The following RHOBTB3 variants were observed in gnomAD, a reference collection of about 807,000 sequenced individuals.
RHOBTB3 encodes the protein rho-related BTB domain-containing protein 3.
RHOBTB3 carries 47 observed loss-of-function variants against 67.2 expected under a neutral mutation model. The ratio of observed to expected loss-of-function variants is 0.70; its 90% CI spans 0.55 to 0.89. The LOEUF is 0.89. Among genes scored for constraint, RHOBTB3 ranks in the 40% least tolerant of loss-of-function variants. RHOBTB3 has a pLI of 0.00. For missense variants in RHOBTB3, 631 were observed against 750.0 expected (o/e 0.84, Z 1.85); for synonymous variants, 273 against 274.2 (o/e 1.00, Z 0.04).
chr5:95,756,912 A>G (rs1205447654), intron 6 of RHOBTB3, among the ~76,000 whole-genome samples: 1 of 152,226 alleles, frequency 6.6e-6, no homozygotes, highest in Admixed American at 6.5e-5. Context: ...TTTAGTTTTA[A>G]AGACATAAAA....
At chr5:95,731,784 G>T (rs1755270191) in intron 1 of RHOBTB3, 75 bp from the exon 2 acceptor site, 22 of 1,602,742 alleles carry the variant, frequency 1.4e-5, no homozygotes, top group Non-Finnish European at 1.5e-5. Context: ...GCTGTCCCCC[G>T]CACTTCCTGT....
intron 6 of RHOBTB3, among the ~76,000 whole-genome samples, chr5:95,762,736 T>TG (rs1745429141): frequency 6.6e-6 from 1 of 152,138 alleles, no homozygotes; most frequent in African/African-American, 2.4e-5. Flanking sequence ...ATGGATTTGA[T>TG]GGGGAAAAGG....
chr5:95,728,471 T>C (rs977506001), upstream of RHOBTB3, among the ~76,000 whole-genome samples: 3 of 152,248 alleles, frequency 2.0e-5, no homozygotes, highest in African/African-American at 4.8e-5. Context: ...ACTTTCTTTA[T>C]GAACTTCTGA....
In RHOBTB3 at chr5:95,748,323, G is replaced by T; in HGVS notation, c.416-10G>T. ...TTCGAAACTCTTTGTTTTAAAATTT[G>T]TTTTCTCAGAAGAGTTACCTTGTAC... is the stretch of plus-strand genomic sequence containing the variant. On this transcript the variant is annotated splice_polypyrimidine_tract_variant and intron_variant, in intron 3 of 11. Transcript: ENST00000379982. The T allele has an allele frequency of 6.4e-7, 1 of 1,569,526 alleles. No individual in the cohort carries two copies. The highest frequency in any genetic ancestry group is 8.6e-7 in the Non-Finnish European group (1 of 1,157,900).
intron 8 of RHOBTB3, among the ~76,000 whole-genome samples, chr5:95,777,664 C>A (rs1745928917): frequency 6.6e-6 from 1 of 152,188 alleles, no homozygotes; most frequent in African/African-American, 2.4e-5. Flanking sequence ...AAAGATCTAA[C>A]CATACTAAGG....
intron 9 of RHOBTB3, among the ~76,000 whole-genome samples, chr5:95,783,096 A>T (rs1746108301): frequency 6.7e-6 from 1 of 149,120 alleles, no homozygotes; most frequent in African/African-American, 2.4e-5. Flanking sequence ...TTTTTATTTT[A>T]TTTATTTATT....
At chr5:95,753,232 GATGT>G (rs1745143488) in intron 5 of RHOBTB3, among the ~76,000 whole-genome samples, 1 of 97,540 alleles carries the variant, frequency 1.0e-5, no homozygotes, top group South Asian at 3.5e-4. Context: ...TTGATGTGTG[GATGT>G]GTGTGTGTGT....
chr5:95,770,309 ACAT>A (rs1745671009), intron 8 of RHOBTB3: 1 of 282,174 alleles, frequency 3.5e-6, no homozygotes, highest in South Asian at 5.0e-5. Flanking sequence ...ACTGAAGAAG[ACAT>A]CATTCTGGGA....
chr5:95,734,862 A>G (rs1219660263), intron 2 of RHOBTB3, among the ~76,000 whole-genome samples: 1 of 152,108 alleles, frequency 6.6e-6, no homozygotes, highest in Non-Finnish European at 1.5e-5. Flanking sequence ...CCATTTTTTC[A>G]TAACATTTTC....
chr5:95,785,450 T>C (rs1746195914), intron 10 of RHOBTB3, among the ~76,000 whole-genome samples: 1 of 151,816 alleles, frequency 6.6e-6, no homozygotes, highest in Admixed American at 6.6e-5. Flanking sequence ...AAAAATTAGC[T>C]GGGTATAGTG....
upstream of RHOBTB3, chr5:95,731,251 T>G (rs1755229370): frequency 9.9e-7 from 1 of 1,005,898 alleles, no homozygotes; most frequent in East Asian, 1.1e-4. Flanking sequence ...TGGCACGTGC[T>G]GCGCCCGGTC....
chr5:95,731,415 G>A lies in RHOBTB3; in HGVS notation c.-268G>A, dbSNP rs1755239386. ...CAGCTGCGTCCACTTGGGGCTGTGC[G>A]GCGGTCCCGCGCCCGGCGATGTTCC... On this transcript the variant is annotated 5_prime_UTR_variant, in exon 1 of 12. Coordinates refer to ENST00000379982, the MANE Select transcript of RHOBTB3 (RefSeq NM_014899.4). 4.2e-6 allele frequency: 5 copies of A among 1,188,594 alleles called. No individual in the cohort carries two copies. The highest frequency in any genetic ancestry group is 4.0e-5 in the South Asian group (1 of 24,844). 73.6% of individuals were successfully genotyped at this position (1,188,594 alleles called of 1,614,324 possible).
At chr5:95,755,364 G>A (rs1294991286) in intron 5 of RHOBTB3, 32 bp from the exon 6 acceptor site, 3 of 1,456,988 alleles carry the variant, frequency 2.1e-6, no homozygotes, top group South Asian at 1.7e-5. Flanking sequence ...CCTGAAAGGA[G>A]TTTATTATTT....
intron 4 of RHOBTB3, among the ~76,000 whole-genome samples, chr5:95,748,938 T>C (rs1236946507): frequency 6.6e-6 from 1 of 152,220 alleles, no homozygotes; most frequent in African/African-American, 2.4e-5. Context: ...CCTAATCTTG[T>C]TGTGGCTCAA....
At position 95,761,602 on chromosome 5, in the gene RHOBTB3, C is replaced by T. The variant is rs570449978; in HGVS notation, c.1049-1906C>T. Among the ~76,000 whole-genome samples the T allele has an allele frequency of 7.2e-5, 11 of 152,230 alleles. No individual in the cohort carries two copies. In the East Asian group the frequency reaches 1.2e-3, roughly 16 times the overall value. On this transcript the variant is annotated intron_variant, in intron 6 of 11. Coordinates refer to ENST00000379982, the MANE Select transcript of RHOBTB3 (RefSeq NM_014899.4). ...AAATTTCTAAAGGGAAAGCAGTGGC[C>T]GTCAGCAGCATACCATGCACATTAG...
chr5:95,776,428 T>TA (rs1167115527), intron 8 of RHOBTB3, among the ~76,000 whole-genome samples: 4 of 151,722 alleles, frequency 2.6e-5, no homozygotes, highest in Non-Finnish European at 4.4e-5. Flanking sequence ...AAATAAAAAA[T>TA]AAAAAAATAA....
intron 6 of RHOBTB3, among the ~76,000 whole-genome samples, chr5:95,761,509 A>T (rs745992382): frequency 6.6e-6 from 1 of 151,778 alleles, no homozygotes; most frequent in East Asian, 1.9e-4. Flanking sequence ...TGCCCAGCTA[A>T]TTTTTGTATT....
At chr5:95,755,905 GCTTTATATA>G (rs996040650) in intron 6 of RHOBTB3, 144 bp downstream of exon 6, 3 of 780,102 alleles carry the variant, frequency 3.8e-6, no homozygotes, top group Non-Finnish European at 4.0e-6. Flanking sequence ...AATATTATTT[GCTTTATATA>G]TAAGAATTGG....
intron 8 of RHOBTB3, among the ~76,000 whole-genome samples, chr5:95,775,357 G>A (rs1404804178): frequency 6.7e-6 from 1 of 150,258 alleles, no homozygotes; most frequent in Admixed American, 6.7e-5. Context: ...AACTATTAAG[G>A]AGATTAGAGA....
Sources: gnomAD v4.1 joint callset for allele counts (sites outside exome capture counted in the v4.1 genomes callset) on GRCh38, gnomAD v4.1.1 for gene constraint, MANE v1.5 for transcripts, NCBI Gene and HGNC (gene_info 2026-07-23, HGNC 2026-07-21) for gene names.